IQUB: variants seen among roughly 807,000 people sequenced by gnomAD.
IQUB encodes IQ motif and ubiquitin-like domain-containing protein.
A neutral mutation model predicts 86.4 loss-of-function variants in IQUB; 86 were observed. That is an observed-to-expected ratio of 1.00 (90% CI 0.84 to 1.19). IQUB has a LOEUF of 1.19. IQUB is among the 50% of genes most tolerant of loss of function. The pLI, the probability that IQUB is intolerant of heterozygous loss-of-function variation, is 0.00. For missense variants in IQUB, 946 were observed against 916.9 expected (o/e 1.03, Z -0.41); for synonymous variants, 289 against 304.5 (o/e 0.95, Z 0.53).
Position 123,502,698 on chromosome 7 carries a change from T to C in IQUB, c.922A>G (p.Met308Val), listed in dbSNP as rs970591199. Residue 308 changes from methionine to valine, a missense_variant, in exon 6 of 13, where the codon ATG becomes GTG. Met to Val is a conservative substitution (Grantham distance 21). Transcript: ENST00000324698. ...GATACATATACACCAATGTTAGTCA[T>C]CTGTGTGGATGTTGTATTTGTAGTT... ...QQTTNTTSTQ[M>V]TNIGVYVSNM... 1.2e-6 allele frequency: 2 copies of C among 1,611,560 alleles called. No homozygotes were observed. The highest frequency in any genetic ancestry group is 1.7e-6 in the Non-Finnish European group (2 of 1,178,764).
At chr7:123,467,354 T>C (rs893365178) in intron 9 of IQUB, among the ~76,000 whole-genome samples, 3 of 152,066 alleles carry the variant, frequency 2.0e-5, no homozygotes, top group Admixed American at 6.6e-5. Flanking sequence ...TGGTAGCTGA[T>C]AGCTCTCCAC....
chr7:123,521,148 A>G (rs1471529753), intron 1 of IQUB, among the ~76,000 whole-genome samples: 2 of 152,166 alleles, frequency 1.3e-5, no homozygotes, highest in Non-Finnish European at 2.9e-5. Flanking sequence ...TGTGAAATCA[A>G]TGCAGTCAGA....
chr7:123,528,044 A>T (rs1286273974), intron 1 of IQUB, among the ~76,000 whole-genome samples: 1 of 152,214 alleles, frequency 6.6e-6, no homozygotes, highest in African/African-American at 2.4e-5. Context: ...CCTGTCGGAA[A>T]AGCGCAGTAT....
chr7:123,506,342 A>G (rs1342991461), intron 3 of IQUB, among the ~76,000 whole-genome samples: 1 of 152,212 alleles, frequency 6.6e-6, no homozygotes, highest in Non-Finnish European at 1.5e-5. Context: ...ACTTTACAGC[A>G]ATGCCAAACT....
intron 12 of IQUB, chr7:123,456,519 C>A (rs1447852954): frequency 6.6e-6 from 1 of 151,924 alleles, no homozygotes; most frequent in South Asian, 2.1e-4. Flanking sequence ...TAGCTAGTTT[C>A]TTATCTTTAT....
intron 12 of IQUB, chr7:123,456,588 G>T (rs899239635): frequency 1.3e-5 from 2 of 151,666 alleles, no homozygotes; most frequent in South Asian, 4.2e-4. Context: ...TATTTTAAAC[G>T]ACTACTGCAT....
intron 8 of IQUB, among the ~76,000 whole-genome samples, chr7:123,469,750 C>T (rs1196106870): frequency 6.6e-6 from 1 of 152,048 alleles, no homozygotes; most frequent in Non-Finnish European, 1.5e-5. Flanking sequence ...CTTGATCCTG[C>T]CTTGCCAATT....
chr7:123,520,786 G>T (rs189957759), intron 1 of IQUB, among the ~76,000 whole-genome samples: 2 of 152,214 alleles, frequency 1.3e-5, no homozygotes, highest in Admixed American at 6.6e-5. Flanking sequence ...GGACCTGGGT[G>T]ACAGTAGAGG....
At chr7:123,495,033 C>T (rs570079908) in intron 7 of IQUB, among the ~76,000 whole-genome samples, 3 of 152,062 alleles carry the variant, frequency 2.0e-5, no homozygotes, top group Non-Finnish European at 4.4e-5. Context: ...TCAATAAGAC[C>T]TTTCATAGAT....
intron 1 of IQUB, among the ~76,000 whole-genome samples, chr7:123,527,907 C>T (rs1001849967): frequency 6.6e-6 from 1 of 152,234 alleles, no homozygotes; most frequent in Non-Finnish European, 1.5e-5. Flanking sequence ...GGCGCCCCTC[C>T]CCCAGCCTCG....
chr7:123,478,154 G>A (rs572062423), intron 8 of IQUB, among the ~76,000 whole-genome samples: 7 of 152,124 alleles, frequency 4.6e-5, no homozygotes, highest in East Asian at 1.9e-4. Context: ...TGTTTATTGC[G>A]GCACTCTTCA....
chr7:123,519,309 A>G (rs1226780306), intron 1 of IQUB, among the ~76,000 whole-genome samples: 1 of 152,228 alleles, frequency 6.6e-6, no homozygotes, highest in East Asian at 1.9e-4. Context: ...ACTGCTGGGT[A>G]TATAACCAAA....
At chr7:123,454,538 A>G (rs1441229804) in intron 12 of IQUB, among the ~76,000 whole-genome samples, 1 of 152,244 alleles carries the variant, frequency 6.6e-6, no homozygotes, top group East Asian at 1.9e-4. Flanking sequence ...AGTAGTTATC[A>G]TTGCAACATG....
At chr7:123,476,095 G>A (rs939605569) in intron 8 of IQUB, among the ~76,000 whole-genome samples, 2 of 152,042 alleles carry the variant, frequency 1.3e-5, no homozygotes, top group African/African-American at 2.4e-5. Context: ...TGACACTGTG[G>A]TAAGAACTGT....
At chr7:123,486,393 G>A (rs775712253) in intron 7 of IQUB, among the ~76,000 whole-genome samples, 3 of 152,002 alleles carry the variant, frequency 2.0e-5, no homozygotes, top group Non-Finnish European at 4.4e-5. Context: ...CAATACCCTG[G>A]CACAGAAGTC....
intron 1 of IQUB, among the ~76,000 whole-genome samples, chr7:123,516,199 C>A (rs539795897): frequency 6.6e-6 from 1 of 151,654 alleles, no homozygotes; most frequent in African/African-American, 2.4e-5. Flanking sequence ...TGAAAATCGA[C>A]GAGGCAGGGA....
chr7:123,470,499 G>A (rs183533255), intron 8 of IQUB, among the ~76,000 whole-genome samples: 60 of 152,186 alleles, frequency 3.9e-4, no homozygotes, highest in Non-Finnish European at 6.8e-4. Flanking sequence ...CTATGTATTG[G>A]AACAGATCAT....
intron 8 of IQUB, 131 bp from the exon 9 acceptor site, chr7:123,469,515 ATTAAT>A (rs1794432538): frequency 4.3e-6 from 2 of 470,068 alleles, no homozygotes; most frequent in Non-Finnish European, 7.2e-6. Context: ...GCTTATGAAA[ATTAAT>A]TTAAGAATTT....
intron 8 of IQUB, among the ~76,000 whole-genome samples, chr7:123,474,052 GA>G (rs1266487173): frequency 6.6e-6 from 1 of 152,044 alleles, no homozygotes; most frequent in Non-Finnish European, 1.5e-5. Context: ...ACAAATTTAA[GA>G]CTGTATAATT....
Sources: gnomAD v4.1 joint callset for allele counts (sites outside exome capture counted in the v4.1 genomes callset) on GRCh38, gnomAD v4.1.1 for gene constraint, MANE v1.5 for transcripts, NCBI Gene and HGNC (gene_info 2026-07-23, HGNC 2026-07-21) for gene names.